Variants in FAM200B observed in about 807,000 individuals in gnomAD.
The protein encoded by FAM200B is zinc finger BED-type containing 11.
FAM200B carries 32 observed loss-of-function variants against 33.1 expected under a neutral mutation model. The observed-to-expected ratio is 0.97, with a 90% CI of 0.73 to 1.30. The LOEUF (loss-of-function observed/expected upper bound fraction) is 1.30. Among genes scored for constraint, FAM200B ranks in the 50% most tolerant of loss-of-function variants. FAM200B has a pLI of 0.00. For synonymous variants in FAM200B, 240 were observed against 264.8 expected (o/e 0.91, Z 0.91); for missense variants, 741 against 754.0 (o/e 0.98, Z 0.20).
chr4:15,655,105 G>A, the FAM200B span: 6 of 969,870 alleles, frequency 6.2e-6, no homozygotes, highest in Middle Eastern at 4.3e-4. Context: ...CGACGGCACG[G>A]GGCTGCGGGC....
At chr4:15,651,792 G>C in the FAM200B span, among the ~76,000 whole-genome samples, 1 of 152,012 alleles carries the variant, frequency 6.6e-6, no homozygotes, top group Non-Finnish European at 1.5e-5. Context: ...ACACCTTAAG[G>C]CCTCCACCAC....
rs1718899119 is a variant in FAM200B at position 15,686,907 on chromosome 4, A to T, written c.-71A>T. 1.3e-6 allele frequency: 1 copy of T among 782,430 alleles called. No homozygotes were observed. The highest frequency in any genetic ancestry group is 1.9e-6 in the Non-Finnish European group (1 of 521,438). 48.5% of individuals were successfully genotyped at this position (782,430 alleles called of 1,614,324 possible). A position where few individuals can be genotyped will look rare whatever the true frequency, so the allele number is the denominator to read the frequency against. ...TGAAAAGATGTTATTTAGACTGTATATTTTTTTCTTCTTTTTTGAGTTAGT... is the reference window on the plus strand; with the variant it reads ...TGAAAAGATGTTATTTAGACTGTATTTTTTTTTCTTCTTTTTTGAGTTAGT... On this transcript the variant is annotated 5_prime_UTR_variant, in exon 2 of 2. Coordinates refer to ENST00000422728, the MANE Select transcript of FAM200B (RefSeq NM_001145191.2).
chr4:15,641,094 AT>A, the FAM200B span, among the ~76,000 whole-genome samples: 2 of 152,164 alleles, frequency 1.3e-5, no homozygotes, highest in Non-Finnish European at 2.9e-5. Flanking sequence ...TATTTTTAAA[AT>A]ATCATAAAAA....
the FAM200B span, among the ~76,000 whole-genome samples, chr4:15,675,907 G>A: frequency 2.0e-5 from 3 of 152,102 alleles, no homozygotes; most frequent in African/African-American, 4.8e-5. Context: ...AGTTGAATAC[G>A]CAGAAATGCT....
the FAM200B span, among the ~76,000 whole-genome samples, chr4:15,672,861 A>T: frequency 6.6e-6 from 1 of 152,284 alleles, no homozygotes; most frequent in South Asian, 2.1e-4. Flanking sequence ...TACATGTTGT[A>T]CAGCTGTACA....
the FAM200B span, among the ~76,000 whole-genome samples, chr4:15,643,272 C>T: frequency 1.3e-5 from 2 of 152,080 alleles, no homozygotes; most frequent in Non-Finnish European, 2.9e-5. Context: ...ATCTTTAATC[C>T]ATCCTCCCTA....
At chr4:15,656,122 T>C in the FAM200B span, 31 of 454,184 alleles carry the variant, frequency 6.8e-5, no homozygotes, top group East Asian at 2.1e-3. Context: ...CGACGGGCCT[T>C]GGGGGTGGGG....
the FAM200B span, among the ~76,000 whole-genome samples, chr4:15,669,062 G>A: frequency 6.6e-6 from 1 of 152,162 alleles, no homozygotes; most frequent in Admixed American, 6.5e-5. Context: ...GATACACCAT[G>A]TTGTTTAAAT....
chr4:15,687,771 C>T lies in FAM200B; in HGVS notation c.794C>T (p.Ser265Leu). 1.3e-6 allele frequency: 2 copies of T among 1,550,374 alleles called. No homozygotes were observed. Among genetic ancestry groups the T allele is most frequent in the South Asian group, 1.2e-5 (1 of 83,928 alleles). The change falls in exon 2 of 2, where the codon TCA (serine) becomes TTA (leucine). Residue 265 changes from serine to leucine, a missense_variant. Coordinates refer to ENST00000422728, the MANE Select transcript of FAM200B (RefSeq NM_001145191.2). ...EDFLCFLNLT[S>L]HLSGLDIFTE... is the part of the protein sequence containing the mutation. The stretch of plus-strand genomic sequence containing the variant: ...TTTTTGTGTTTTTTAAATTTAACCT[C>T]ACACCTAAGTGGATTAGATATTTTT...
rs1719092233 is a variant in FAM200B, at chr4:15,688,421, T to TA, written c.1445dup (p.Tyr482Ter). 10 of 1,546,306 alleles carry TA rather than the reference T, an allele frequency of 6.5e-6. No homozygotes were observed. The highest frequency in any genetic ancestry group is 7.9e-6 in the Non-Finnish European group (9 of 1,143,572). The change falls in exon 2 of 2, where the codon TAC (tyrosine) becomes TAAC (stop). Residue 482 changes from tyrosine to a stop codon, truncating the protein, a stop_gained and frameshift_variant. Coordinates refer to ENST00000422728, the MANE Select transcript of FAM200B (RefSeq NM_001145191.2). LOFTEE classifies it high-confidence loss of function. ...ACTTAAAAGTAATCGTCCTAGCTAT[T>TA]ACATGTTTCCAAGATTTTTGCAGCA... is the stretch of plus-strand genomic sequence containing the variant. ...VRLKSNRPSY[Y>*]MFPRFLQHIE...
At chr4:15,661,037 A>C in the FAM200B span, among the ~76,000 whole-genome samples, 2 of 152,172 alleles carry the variant, frequency 1.3e-5, no homozygotes, top group Non-Finnish European at 2.9e-5. Flanking sequence ...AGTTTGAGCC[A>C]CTGCACTCCA....
Position 15,686,849 on chromosome 4 carries a change from T to G in FAM200B, c.-129T>G. The stretch of plus-strand genomic sequence containing the variant: ...GCAACTAGTTGTGAAGTCTGAAATA[T>G]TCGATTCAATTGCAAACTTTGAGTG... On this transcript the variant is annotated 5_prime_UTR_variant, in exon 2 of 2. Coordinates refer to ENST00000422728, the MANE Select transcript of FAM200B (RefSeq NM_001145191.2). 2.0e-6 allele frequency: 1 copy of G among 488,074 alleles called. No individual in the cohort carries two copies. Among genetic ancestry groups the G allele is most frequent in the Non-Finnish European group, 3.6e-6 (1 of 277,910 alleles). 30.2% of individuals were successfully genotyped at this position (488,074 alleles called of 1,614,324 possible). A position where few individuals can be genotyped will look rare whatever the true frequency, so the allele number is the denominator to read the frequency against.
the FAM200B span, chr4:15,641,643 TGA>T: frequency 4.4e-6 from 2 of 455,272 alleles, no homozygotes; most frequent in African/African-American, 4.0e-5. Context: ...AGTAAAGTTT[TGA>T]GAGATTCAAA....
the FAM200B span, chr4:15,655,343 C>A: frequency 1.6e-5 from 21 of 1,289,310 alleles, no homozygotes; most frequent in Non-Finnish European, 2.0e-5. Context: ...TCCATAGACA[C>A]CCTCGCCGCG....
At chr4:15,649,181 CAGAG>C in the FAM200B span, among the ~76,000 whole-genome samples, 4 of 151,590 alleles carry the variant, frequency 2.6e-5, no homozygotes, top group Admixed American at 2.6e-4. Flanking sequence ...AAAAGAGCAA[CAGAG>C]AGAAAAGTCC....
At chr4:15,670,140 T>C in the FAM200B span, among the ~76,000 whole-genome samples, 1 of 152,230 alleles carries the variant, frequency 6.6e-6, no homozygotes, top group Non-Finnish European at 1.5e-5. Context: ...AGTATTCTCA[T>C]ATGTGTTCCA....
At chr4:15,666,306 G>A in the FAM200B span, among the ~76,000 whole-genome samples, 2 of 151,866 alleles carry the variant, frequency 1.3e-5, no homozygotes, top group East Asian at 3.9e-4. Flanking sequence ...GGCTGAGGTG[G>A]GAAGATTGCT....
the FAM200B span, among the ~76,000 whole-genome samples, chr4:15,636,869 A>T: frequency 2.0e-5 from 3 of 152,234 alleles, no homozygotes; most frequent in African/African-American, 7.2e-5. Context: ...GTAGGGTTAA[A>T]CTATCATGGC....
At chr4:15,678,092 A>G (rs1213611827), upstream of FAM200B, among the ~76,000 whole-genome samples, 1 of 152,226 alleles carries the variant, frequency 6.6e-6, no homozygotes, top group Admixed American at 6.5e-5. Context: ...CTCATAAATT[A>G]TATATTTAAT....
Sources: allele counts gnomAD v4.1 joint callset (sites outside exome capture counted in the v4.1 genomes callset), GRCh38; gene constraint gnomAD v4.1.1; transcripts MANE v1.5; gene names NCBI Gene and HGNC (gene_info 2026-07-23, HGNC 2026-07-21).